The following ZFP1 variants were observed in gnomAD, a reference collection of about 807,000 sequenced individuals.
The protein encoded by ZFP1 is ZFP1 zinc finger protein.
ZFP1 carries 32 observed loss-of-function variants against 38.5 expected under a neutral mutation model. The observed-to-expected ratio is 0.83, with a 90% CI of 0.63 to 1.12. The LOEUF is 1.12. ZFP1 is among the 50% of genes most tolerant of loss of function. The pLI is 0.00. For missense variants in ZFP1, 616 were observed against 480.8 expected, an observed-to-expected ratio of 1.28 and a Z score of -2.63; for synonymous variants, 245 against 168.8, an observed-to-expected ratio of 1.45 and a Z score of -3.50.
intron 2 of ZFP1, among the ~76,000 whole-genome samples, chr16:75,165,680 C>T (rs929934216): frequency 1.3e-5 from 2 of 152,030 alleles, no homozygotes; most frequent in Non-Finnish European, 2.9e-5. Flanking sequence ...AGCCTGGCCA[C>T]CTCTGGGGTT....
chr16:75,166,495 C>G (rs1198530368), intron 2 of ZFP1: 1 of 974,390 alleles, frequency 1.0e-6, no homozygotes, highest in East Asian at 1.1e-4. Flanking sequence ...TCCCAAAGTG[C>G]TGGGATTACA....
the ZFP1 span, among the ~76,000 whole-genome samples, chr16:75,136,578 A>G: frequency 0.057 from 8,716 of 152,268 alleles, 861 homozygotes; most frequent in African/African-American, 0.2. Context: ...AGAACTATTT[A>G]TAGATATAGA....
chr16:75,169,279 G>C lies in ZFP1; in HGVS notation c.169G>C (p.Glu57Gln), dbSNP rs1438702991. 1 of 1,613,224 alleles carries C rather than the reference G, an allele frequency of 6.2e-7. No homozygotes were observed. Among genetic ancestry groups the C allele is most frequent in the Non-Finnish European group, 8.5e-7 (1 of 1,179,760 alleles). ...AGTGTGGAAGGCTGATGACCAGATG[G>C]AGAGAGACCACAGAAACCCAGACGA... ...VEVWKADDQM[E>Q]RDHRNPDEQA... Residue 57 changes from glutamate to glutamine, a missense_variant, in exon 4 of 4, where the codon GAG becomes CAG. By Grantham distance (29) the Glu-to-Gln change is conservative (BLOSUM62 2). Transcript: ENST00000570010.
chr16:75,153,935 A>C lies in ZFP1; in HGVS notation c.15+969A>C, dbSNP rs185079455. ...TCGTGTCTTTTCTAGAATGTCATAT[A>C]GTTGGATTCATGCAGTAGGTAGCCT... On this transcript the variant is annotated intron_variant, in intron 2 of 3. Transcript: ENST00000570010. Among the ~76,000 whole-genome samples the C allele has an allele frequency of 1.1e-3, 160 of 152,296 alleles. 1 individual carries two copies. The highest frequency in any genetic ancestry group is 4.6e-3 in the South Asian group (22 of 4,826).
At chr16:75,159,881 T>G (rs2037677738) in intron 2 of ZFP1, among the ~76,000 whole-genome samples, 1 of 152,208 alleles carries the variant, frequency 6.6e-6, no homozygotes, top group Admixed American at 6.5e-5. Flanking sequence ...GTGTATCGGT[T>G]TGGTCATACT....
intron 2 of ZFP1, among the ~76,000 whole-genome samples, chr16:75,153,603 C>A (rs943060893): frequency 1.3e-5 from 2 of 152,018 alleles, no homozygotes; most frequent in Non-Finnish European, 2.9e-5. Context: ...GCAGTGTGTT[C>A]CCATATACCC....
chr16:75,125,935 A>G, the ZFP1 span, among the ~76,000 whole-genome samples: 1 of 151,292 alleles, frequency 6.6e-6, no homozygotes, highest in East Asian at 2.0e-4. Context: ...CCAGTTACTC[A>G]GGAGGCTGAG....
the ZFP1 span, among the ~76,000 whole-genome samples, chr16:75,141,653 G>C: frequency 2.6e-5 from 4 of 151,914 alleles, no homozygotes; most frequent in African/African-American, 9.7e-5. Flanking sequence ...GAGAGGCCAA[G>C]GTTTGGGAGG....
chr16:75,165,501 TCTC>T (rs559800911), intron 2 of ZFP1, among the ~76,000 whole-genome samples: 248 of 151,940 alleles, frequency 1.6e-3, no homozygotes, highest in African/African-American at 5.7e-3. Flanking sequence ...TTCAAGCAAT[TCTC>T]CTGTCCCAGC....
At chr16:75,168,591 G>GT (rs1301631123) in intron 3 of ZFP1, among the ~76,000 whole-genome samples, 1 of 152,094 alleles carries the variant, frequency 6.6e-6, no homozygotes, top group African/African-American at 2.4e-5. Flanking sequence ...TGATCCTGTG[G>GT]TAAGGGTTGT....
intron 1 of ZFP1, among the ~76,000 whole-genome samples, chr16:75,149,640 A>G (rs1446174996): frequency 7.3e-6 from 1 of 137,892 alleles, no homozygotes; most frequent in South Asian, 2.3e-4. Flanking sequence ...GCTCACTGCA[A>G]CCTCCGCCTC....
At chr16:75,138,284 C>G in the ZFP1 span, among the ~76,000 whole-genome samples, 1 of 152,084 alleles carries the variant, frequency 6.6e-6, no homozygotes. Flanking sequence ...ATCCACCCAC[C>G]TTGGCCTCCC....
intron 3 of ZFP1, 36 bp downstream of exon 3, chr16:75,166,932 C>A: frequency 1.3e-6 from 2 of 1,594,672 alleles, no homozygotes; most frequent in Non-Finnish European, 8.6e-7. Flanking sequence ...CACCATGTGC[C>A]TAGAGGTATT....
Position 75,170,106 on chromosome 16 carries a change from C to G in ZFP1, c.996C>G (p.Ser332=), listed in dbSNP as rs760934896. 6.2e-7 allele frequency: 1 copy of G among 1,613,894 alleles called. No homozygotes were observed. The highest frequency in any genetic ancestry group is 1.7e-5 in the Admixed American group (1 of 59,984). The change falls in exon 4 of 4, where the codon TCC becomes TCG. Residue 332 remains serine, a synonymous_variant. Coordinates refer to ENST00000570010, the MANE Select transcript of ZFP1 (RefSeq NM_153688.4). ...ATGAGTGCAGTGAATGTGGAAAATC[C>G]TTTATCCAGAACTCACAGCTCATCA... ...KRYECSECGK[S]FIQNSQLIIH...
chr16:75,163,287 G>T (rs9941097), intron 2 of ZFP1, among the ~76,000 whole-genome samples: 24 of 152,048 alleles, frequency 1.6e-4, no homozygotes, highest in African/African-American at 5.8e-4. Flanking sequence ...CCTCCCCAGC[G>T]TGCATTGTTG....
chr16:75,139,871 G>A, the ZFP1 span, among the ~76,000 whole-genome samples: 2 of 152,196 alleles, frequency 1.3e-5, no homozygotes, highest in Non-Finnish European at 2.9e-5. Context: ...GGATAGTGGG[G>A]ATAGTTGCGC....
At position 75,158,881 on chromosome 16, in the gene ZFP1, A is replaced by T. The variant is rs1475583033; in HGVS notation, c.15+5915A>T. On this transcript the variant is annotated intron_variant, in intron 2 of 3. Coordinates refer to ENST00000570010, the MANE Select transcript of ZFP1 (RefSeq NM_153688.4). ...TACATCTGCTCCTTTTGGGTTGTTT[A>T]TCTCTTGATTGTTTTTGTCTTGTCT... Among the ~76,000 whole-genome samples the T allele has an allele frequency of 3.6e-5, 5 of 138,130 alleles. No individual in the cohort carries two copies. In the East Asian group the frequency reaches 6.4e-4, roughly 18 times the overall value. 90.6% of individuals were successfully genotyped at this position (138,130 alleles called of 152,430 possible).
At chr16:75,160,087 C>T (rs1211385943) in intron 2 of ZFP1, among the ~76,000 whole-genome samples, 1 of 152,196 alleles carries the variant, frequency 6.6e-6, no homozygotes, top group Non-Finnish European at 1.5e-5. Context: ...TCCACCTACA[C>T]ATATTAGGAA....
At chr16:75,164,726 AG>A (rs575246009) in intron 2 of ZFP1, among the ~76,000 whole-genome samples, 7 of 151,982 alleles carry the variant, frequency 4.6e-5, no homozygotes, top group African/African-American at 9.7e-5. Context: ...TTAATGGTTG[AG>A]GGGGGGAATA....
Sources: allele counts gnomAD v4.1 joint callset (sites outside exome capture counted in the v4.1 genomes callset), GRCh38; gene constraint gnomAD v4.1.1; transcripts MANE v1.5; gene names NCBI Gene and HGNC (gene_info 2026-07-23, HGNC 2026-07-21).